The following GABRA2 variants were observed in gnomAD, a reference collection of about 807,000 sequenced individuals.
GABRA2 encodes gamma-aminobutyric acid receptor subunit alpha-2.
Under a neutral mutation model 48.7 loss-of-function variants are expected in GABRA2, and 16 were observed. The ratio of observed to expected loss-of-function variants is 0.33; its 90% CI spans 0.22 to 0.50. GABRA2 has a LOEUF of 0.50. GABRA2 is among the 20% of genes least tolerant of loss of function. The pLI is 0.98. For synonymous variants in GABRA2, 185 were observed against 184.5 expected (o/e 1.00, Z -0.02); for missense variants, 275 against 535.6 (o/e 0.51, Z 4.80).
intron 3 of GABRA2, among the ~76,000 whole-genome samples, chr4:46,358,663 G>T (rs972425288): frequency 2.0e-5 from 3 of 152,108 alleles, no homozygotes; most frequent in Admixed American, 6.6e-5. Context: ...GTATAGAAAT[G>T]GTTGAACTAC....
At chr4:46,258,588 A>G (rs1716322289) in intron 9 of GABRA2, among the ~76,000 whole-genome samples, 1 of 151,872 alleles carries the variant, frequency 6.6e-6, no homozygotes, top group African/African-American at 2.4e-5. Context: ...GGGATAAACA[A>G]GAACAGATGC....
intron 8 of GABRA2, among the ~76,000 whole-genome samples, chr4:46,295,781 T>C (rs1191796198): frequency 6.6e-6 from 1 of 152,178 alleles, no homozygotes; most frequent in Admixed American, 6.5e-5. Flanking sequence ...TCTTCCATCA[T>C]GGAAAGGGCA....
At chr4:46,389,545 G>T in intron 1 of GABRA2, 190 bp downstream of exon 1, 1 of 452,386 alleles carries the variant, frequency 2.2e-6, no homozygotes, top group Non-Finnish European at 2.9e-6. Context: ...TATTGTAGTT[G>T]CAAATATGCT....
intron 4 of GABRA2, among the ~76,000 whole-genome samples, chr4:46,322,366 A>G (rs1426772336): frequency 6.6e-6 from 1 of 151,816 alleles, no homozygotes; most frequent in African/African-American, 2.4e-5. Flanking sequence ...GGGTGAAGTA[A>G]AAACACTCTC....
intron 3 of GABRA2, among the ~76,000 whole-genome samples, chr4:46,361,221 C>A (rs1377360833): frequency 6.6e-6 from 1 of 152,106 alleles, no homozygotes; most frequent in Non-Finnish European, 1.5e-5. Flanking sequence ...TCTGTGGGAG[C>A]CCCTTTCATC....
chr4:46,269,128 C>T (rs946588021), intron 8 of GABRA2, among the ~76,000 whole-genome samples: 1 of 151,708 alleles, frequency 6.6e-6, no homozygotes, highest in African/African-American at 2.4e-5. Context: ...AGAACAGTTG[C>T]AGAGTATGGT....
chr4:46,291,774 C>T (rs1560485358), intron 8 of GABRA2, among the ~76,000 whole-genome samples: 1 of 107,872 alleles, frequency 9.3e-6, no homozygotes, highest in East Asian at 3.2e-4. Context: ...AATAAACACA[C>T]ACATATATAT....
chr4:46,370,693 C>T (rs1203532223), intron 3 of GABRA2, among the ~76,000 whole-genome samples: 1 of 152,110 alleles, frequency 6.6e-6, no homozygotes, highest in Admixed American at 6.6e-5. Context: ...TAATTTTGTA[C>T]AAACTTCTAG....
At chr4:46,342,759 G>A (rs908312560) in intron 3 of GABRA2, among the ~76,000 whole-genome samples, 3 of 152,032 alleles carry the variant, frequency 2.0e-5, no homozygotes, top group African/African-American at 7.2e-5. Flanking sequence ...GGGCTCAAGT[G>A]AGCCTCCCAT....
chr4:46,257,569 T>C (rs1189472278), intron 9 of GABRA2, among the ~76,000 whole-genome samples: 4 of 151,728 alleles, frequency 2.6e-5, no homozygotes, highest in Admixed American at 6.6e-5. Flanking sequence ...TAATAAAAAA[T>C]CTTCCTTATT....
At chr4:46,352,548 T>G (rs1316009504) in intron 3 of GABRA2, among the ~76,000 whole-genome samples, 1 of 152,062 alleles carries the variant, frequency 6.6e-6, no homozygotes. Flanking sequence ...CATCATTTCC[T>G]GAAAGCATTG....
chr4:46,368,147 G>A (rs1402203485), intron 3 of GABRA2: 1 of 152,120 alleles, frequency 6.6e-6, no homozygotes, highest in Non-Finnish European at 1.5e-5. Flanking sequence ...CAGTGGACAA[G>A]GTTGGATCGT....
At position 46,347,727 on chromosome 4, in the gene GABRA2, C is replaced by A. The variant is rs573526316; in HGVS notation, c.188-15045G>T. ...ACCCAAGAAGCACAGTCAACAAAAG[C>A]AAAAAATAAACAAATAGAATTGTAT... On this transcript the variant is annotated intron_variant, in intron 3 of 9. Transcript: ENST00000381620. Among the ~76,000 whole-genome samples, 5 of 151,436 alleles carry A rather than the reference C, an allele frequency of 3.3e-5. No homozygotes were observed. The East Asian group carries it at 9.8e-4, about 30-fold the overall frequency.
intron 3 of GABRA2, among the ~76,000 whole-genome samples, chr4:46,342,399 C>A (rs757856443): frequency 6.6e-6 from 1 of 151,952 alleles, no homozygotes; most frequent in Non-Finnish European, 1.5e-5. Context: ...TGTGCCAATT[C>A]TCTTCACAAA....
chr4:46,291,789 A>G (rs1474679005), intron 8 of GABRA2, among the ~76,000 whole-genome samples: 1 of 149,904 alleles, frequency 6.7e-6, no homozygotes, highest in African/African-American at 2.4e-5. Context: ...ATATATATAT[A>G]TACATATACA....
intron 3 of GABRA2, among the ~76,000 whole-genome samples, chr4:46,346,994 G>C (rs1734248575): frequency 6.6e-6 from 1 of 151,762 alleles, no homozygotes; most frequent in African/African-American, 2.4e-5. Context: ...AACAATCTGA[G>C]TCCTATTTAC....
chr4:46,289,831 G>A (rs1174980123), intron 8 of GABRA2, among the ~76,000 whole-genome samples: 1 of 151,762 alleles, frequency 6.6e-6, no homozygotes, highest in Non-Finnish European at 1.5e-5. Context: ...GATTACTGTA[G>A]CTTTGTAGTA....
intron 3 of GABRA2, among the ~76,000 whole-genome samples, chr4:46,333,904 T>G (rs888609485): frequency 6.6e-6 from 1 of 152,114 alleles, no homozygotes; most frequent in Admixed American, 6.6e-5. Flanking sequence ...AATTATACCA[T>G]AGTCAATTAT....
In GABRA2 at chr4:46,305,076, T is replaced by A. The variant is rs1043070321; in HGVS notation, c.703+492A>T. Among the ~76,000 whole-genome samples the A allele has an allele frequency of 3.3e-5, 5 of 151,982 alleles. No individual in the cohort carries two copies. The East Asian group carries it at 9.7e-4, about 30-fold the overall frequency. Reference sequence around the variant, plus strand: ...TTAATCTTTGAATCTTGTTAAAATGTAGATTCTGATTTAATAAGGAGTGGG... The same window carrying A: ...TTAATCTTTGAATCTTGTTAAAATGAAGATTCTGATTTAATAAGGAGTGGG... On this transcript the variant is annotated intron_variant, in intron 7 of 9. Coordinates refer to ENST00000381620, the MANE Select transcript of GABRA2 (RefSeq NM_000807.4).
Sources: gnomAD v4.1 joint callset for allele counts (sites outside exome capture counted in the v4.1 genomes callset) on GRCh38, gnomAD v4.1.1 for gene constraint, MANE v1.5 for transcripts, NCBI Gene and HGNC (gene_info 2026-07-23, HGNC 2026-07-21) for gene names.